Variants in DCDC2C observed in about 807,000 individuals in gnomAD.
The protein encoded by DCDC2C is doublecortin domain-containing protein 2C.
DCDC2C carries 44 observed loss-of-function variants against 45.0 expected under a neutral mutation model. The ratio of observed to expected loss-of-function variants is 0.98; its 90% confidence interval spans 0.77 to 1.26. DCDC2C has a LOEUF of 1.26. Among genes scored for constraint, DCDC2C ranks in the 50% most tolerant of loss-of-function variants. The pLI, the probability that DCDC2C is intolerant of heterozygous loss-of-function variation, is 0.00. For missense variants in DCDC2C, 447 were observed against 468.9 expected (o/e 0.95, Z 0.43); for synonymous variants, 187 against 178.8 (o/e 1.05, Z -0.37).
At chr2:3,708,737 C>T (rs1323384505) in intron 2 of DCDC2C, 137 bp downstream of exon 2, 2 of 665,716 alleles carry the variant, frequency 3.0e-6, no homozygotes, top group Non-Finnish European at 5.2e-6. Context: ...GAAGCCAGAA[C>T]ACACTGTGCA....
chr2:3,741,572 C>G (rs531147123), intron 3 of DCDC2C, among the ~76,000 whole-genome samples: 22 of 152,310 alleles, frequency 1.4e-4, no homozygotes, highest in African/African-American at 5.3e-4. Flanking sequence ...ATCTCATGCT[C>G]TGTGAGGGGG....
chr2:3,832,384 A>G (rs1351343517), intron 10 of DCDC2C, among the ~76,000 whole-genome samples: 1 of 152,184 alleles, frequency 6.6e-6, no homozygotes, highest in Non-Finnish European at 1.5e-5. Context: ...TAGCCAATCT[A>G]CCCGTCTCCT....
At chr2:3,793,598 G>A (rs1670881426) in intron 10 of DCDC2C, among the ~76,000 whole-genome samples, 1 of 152,222 alleles carries the variant, frequency 6.6e-6, no homozygotes, top group Non-Finnish European at 1.5e-5. Flanking sequence ...GAGGGGAAAT[G>A]GAAGTGTCTC....
At chr2:3,728,815 G>C (rs373609322) in intron 3 of DCDC2C, among the ~76,000 whole-genome samples, 24 of 152,368 alleles carry the variant, frequency 1.6e-4, no homozygotes, top group African/African-American at 5.8e-4. Context: ...GTTGGCGAGG[G>C]AGTGAATGGC....
At chr2:3,782,369 A>G (rs889730195) in intron 9 of DCDC2C, among the ~76,000 whole-genome samples, 1 of 152,156 alleles carries the variant, frequency 6.6e-6, no homozygotes, top group Non-Finnish European at 1.5e-5. Context: ...TATTTTAAAC[A>G]TGTTAATTAT....
chr2:3,822,890 G>T (rs1417775852), intron 10 of DCDC2C, among the ~76,000 whole-genome samples: 3 of 152,046 alleles, frequency 2.0e-5, no homozygotes, highest in African/African-American at 7.2e-5. Flanking sequence ...TGCTGATCTT[G>T]TGATAGTGAG....
chr2:3,773,331 T>TTA (rs879329795), intron 8 of DCDC2C, among the ~76,000 whole-genome samples: 82 of 152,316 alleles, frequency 5.4e-4, no homozygotes, highest in Non-Finnish European at 1.0e-3. Context: ...AAAGAATTTT[T>TTA]AATTTTTGGT....
chr2:3,708,530 CT>C lies in DCDC2C; in HGVS notation c.288-17del. 1 of 1,524,972 alleles carries C rather than the reference CT, an allele frequency of 6.6e-7. No individual in the cohort carries two copies. Among genetic ancestry groups the C allele is most frequent in the Non-Finnish European group, 8.8e-7 (1 of 1,132,354 alleles). 94.5% of individuals were successfully genotyped at this position (1,524,972 alleles called of 1,614,324 possible). On this transcript the variant is annotated intron_variant, in intron 1 of 10. Transcript: ENST00000399143. ...AATATCTTCCTTCTAATGATGTTTT[CT>C]TCTTTCTTCTTTTGCAGTTATATTC...
intron 10 of DCDC2C, among the ~76,000 whole-genome samples, chr2:3,830,433 C>T (rs1418639892): frequency 6.6e-6 from 1 of 152,134 alleles, no homozygotes; most frequent in Non-Finnish European, 1.5e-5. Context: ...TGCCAGTAGC[C>T]CTGGACCTGC....
rs1379297943 is a variant in DCDC2C, at chr2:3,742,039, G to A, written c.536G>A (p.Gly179Asp). The A allele has an allele frequency of 7.1e-6, 11 of 1,541,328 alleles. No individual in the cohort carries two copies. In the South Asian group the frequency reaches 1.4e-4, roughly 19 times the overall value. Residue 179 changes from glycine (G) to aspartate (D), a missense_variant, in exon 4 of 11, where the codon GGC becomes GAC. Transcript: ENST00000399143. ...TIGEKVFPLG[G>D]VRKLFTMNGH... ...GGAGAAAAAGTCTTCCCTCTAGGAG[G>A]CGTTCGGAAGTAAGGAGACTCTCGC... is the stretch of plus-strand genomic sequence containing the variant.
chr2:3,758,125 C>T (rs983582678), intron 6 of DCDC2C, among the ~76,000 whole-genome samples: 1 of 152,198 alleles, frequency 6.6e-6, no homozygotes, highest in Non-Finnish European at 1.5e-5. Flanking sequence ...AGGGCTGGTC[C>T]TGAAAAACTG....
intron 3 of DCDC2C, among the ~76,000 whole-genome samples, chr2:3,739,639 G>A (rs1180724792): frequency 3.9e-5 from 6 of 152,230 alleles, no homozygotes; most frequent in Non-Finnish European, 2.9e-5. Context: ...GGGAAAAACC[G>A]TCTCCCTTCT....
rs376976735 is a variant in DCDC2C at position 3,737,369 on chromosome 2, C to T, written c.417-4551C>T. ...TGAGGGGAGGGCGCAGGCGGCCAGCCCAGGATGTCACAATATGTTCATGGC... is the reference window on the plus strand; with the variant it reads ...TGAGGGGAGGGCGCAGGCGGCCAGCTCAGGATGTCACAATATGTTCATGGC... On this transcript the variant is annotated intron_variant, in intron 3 of 10. Coordinates refer to ENST00000399143, the MANE Select transcript of DCDC2C (RefSeq NM_001287444.2). Among the ~76,000 whole-genome samples, 161 of 152,268 alleles carry T rather than the reference C, an allele frequency of 1.1e-3. 1 individual carries two copies. Among genetic ancestry groups the T allele is most frequent in the African/African-American group, 3.5e-3 (146 of 41,556 alleles).
At chr2:3,763,446 A>G (rs924692687) in intron 6 of DCDC2C, among the ~76,000 whole-genome samples, 1 of 152,194 alleles carries the variant, frequency 6.6e-6, no homozygotes, top group African/African-American at 2.4e-5. Context: ...ATGGAAATTT[A>G]ATTAGCACGG....
chr2:3,766,333 C>CACACACAT (rs1558216537), intron 6 of DCDC2C, among the ~76,000 whole-genome samples: 8 of 151,940 alleles, frequency 5.3e-5, no homozygotes, highest in African/African-American at 1.9e-4. Flanking sequence ...CACACACACA[C>CACACACAT]GGTGTCTTTA....
intron 6 of DCDC2C, among the ~76,000 whole-genome samples, chr2:3,764,524 A>G (rs1669966551): frequency 1.3e-5 from 2 of 152,232 alleles, no homozygotes; most frequent in Admixed American, 6.5e-5. Context: ...TGCAGATGGC[A>G]TTAGCTGGAA....
intron 10 of DCDC2C, among the ~76,000 whole-genome samples, chr2:3,810,008 G>A (rs1040703810): frequency 6.6e-6 from 1 of 152,160 alleles, no homozygotes; most frequent in Non-Finnish European, 1.5e-5. Flanking sequence ...GGGCATTTGG[G>A]TTTGTTCCAA....
chr2:3,807,823 A>G (rs1415476873), intron 10 of DCDC2C, among the ~76,000 whole-genome samples: 1 of 152,094 alleles, frequency 6.6e-6, no homozygotes, highest in Non-Finnish European at 1.5e-5. Flanking sequence ...GGCTGGAATT[A>G]TGGAGCATAC....
Position 3,819,551 on chromosome 2 carries a change from C to T in DCDC2C, c.1066-27603C>T, listed in dbSNP as rs374504412. The stretch of plus-strand genomic sequence containing the variant: ...AACTCCCGTTGTGGGGTTTGAGGGC[C>T]GGAATCTAATTTTTGGAGCTTTATT... On this transcript the variant is annotated intron_variant, in intron 10 of 10. Coordinates refer to ENST00000399143, the MANE Select transcript of DCDC2C (RefSeq NM_001287444.2). Among the ~76,000 whole-genome samples the T allele has an allele frequency of 2.4e-4, 36 of 152,182 alleles. No individual in the cohort carries two copies. In the East Asian group the frequency reaches 2.9e-3, roughly 12 times the overall value.
Sources: gnomAD v4.1 joint callset for allele counts (sites outside exome capture counted in the v4.1 genomes callset) on GRCh38, gnomAD v4.1.1 for gene constraint, MANE v1.5 for transcripts, NCBI Gene and HGNC (gene_info 2026-07-23, HGNC 2026-07-21) for gene names.